PTPRS: variants seen among roughly 807,000 people sequenced by gnomAD.
PTPRS encodes receptor-type tyrosine-protein phosphatase S.
PTPRS carries 63 observed loss-of-function variants against 215.3 expected under a neutral mutation model. That is an observed-to-expected ratio of 0.29 (90% CI 0.24 to 0.36). The LOEUF is 0.36. Among genes scored for constraint, PTPRS ranks in the 10% least tolerant of loss-of-function variants. The probability of loss-of-function intolerance (pLI) is 1.00; values close to 1 mark genes in which losing one functional copy is unlikely to be tolerated. For synonymous variants in PTPRS, 1,404 were observed against 1,191.4 expected (o/e 1.18, Z -3.68); for missense variants, 2,258 against 2,825.8 (o/e 0.80, Z 4.56).
chr19:5,254,536 C>T (rs1166820668), intron 9 of PTPRS, among the ~76,000 whole-genome samples: 1 of 151,740 alleles, frequency 6.6e-6, no homozygotes, highest in African/African-American at 2.4e-5. Context: ...GAGAGACACA[C>T]AGAGAGAAAG....
chr19:5,217,045 G>A (rs2145211773), intron 25 of PTPRS, among the ~76,000 whole-genome samples: 1 of 152,326 alleles, frequency 6.6e-6, no homozygotes, highest in South Asian at 2.1e-4. Context: ...CCCTCCCCCA[G>A]ACCAGCCTGG....
chr19:5,229,278 C>G, intron 16 of PTPRS, 38 bp downstream of exon 16: 2 of 1,370,170 alleles, frequency 1.5e-6, no homozygotes, highest in Non-Finnish European at 9.5e-7. Flanking sequence ...CCGCGGGAAG[C>G]GCACAGCAGT....
At chr19:5,216,185 G>C (rs752831286) in intron 26 of PTPRS, among the ~76,000 whole-genome samples, 6 of 152,100 alleles carry the variant, frequency 3.9e-5, no homozygotes, top group Non-Finnish European at 7.4e-5. Context: ...CTTGGGGCAG[G>C]AGCAGGTGCA....
chr19:5,314,520 G>A (rs1313330897), intron 1 of PTPRS, among the ~76,000 whole-genome samples: 1 of 151,794 alleles, frequency 6.6e-6, no homozygotes, highest in African/African-American at 2.4e-5. Flanking sequence ...TTTGATGTGG[G>A]TTTCTCCACC....
intron 11 of PTPRS, among the ~76,000 whole-genome samples, chr19:5,240,945 A>G (rs1159983514): frequency 1.4e-5 from 2 of 143,054 alleles, no homozygotes; most frequent in Non-Finnish European, 3.0e-5. Flanking sequence ...GCTGGAGTGC[A>G]ATGGCACGAT....
chr19:5,300,240 CAAA>C (rs67349608), intron 1 of PTPRS, among the ~76,000 whole-genome samples: 2 of 113,474 alleles, frequency 1.8e-5, no homozygotes, highest in Admixed American at 8.9e-5. Context: ...GACTCCATCT[CAAA>C]AAAAAAAAAA....
rs2044279936 is a variant in PTPRS at position 5,244,148 on chromosome 19, G to T, written c.1323C>A (p.Thr441=). Residue 441 remains threonine (T), a synonymous_variant, in exon 11 of 38, where the codon ACC becomes ACA. Transcript: ENST00000262963. The surrounding 1 kb of genome is among the most constrained non-coding windows in gnomAD (Gnocchi z 7.2). ...GCTCCTCCCACTGCACAATCATGGTGGTCGCGCTGAGCATCCGGGCTTGCA... is the reference window on the plus strand; with the variant it reads ...GCTCCTCCCACTGCACAATCATGGTTGTCGCGCTGAGCATCCGGGCTTGCA... The part of the protein sequence containing the change: ...RNVQARMLSA[T]TMIVQWEEPV... The T allele has an allele frequency of 6.2e-7, 1 of 1,602,630 alleles. No homozygotes were observed. Among genetic ancestry groups the T allele is most frequent in the Non-Finnish European group, 8.5e-7 (1 of 1,174,830 alleles).
chr19:5,265,040 G>A lies in PTPRS; in HGVS notation c.536C>T (p.Ala179Val), dbSNP rs759377376. 1.9e-6 allele frequency: 3 copies of A among 1,614,120 alleles called. No homozygotes were observed. Among genetic ancestry groups the A allele is most frequent in the East Asian group, 2.2e-5 (1 of 44,878 alleles). ...FKDFLPVDPS[A>V]SNGRIKQLRS... ...CAGCTGTTTGATGCGTCCATTGCTG[G>A]CACTAGGATCCACAGGCAGGAAGTC... is the stretch of plus-strand genomic sequence containing the variant. The change falls in exon 5 of 38, where the codon GCC (alanine) becomes GTC (valine). Residue 179 changes from alanine (A) to valine (V), a missense_variant. Ala to Val is a moderately conservative substitution (Grantham distance 64, BLOSUM62 0). Coordinates refer to ENST00000262963, the MANE Select transcript of PTPRS (RefSeq NM_002850.4).
chr19:5,292,192 A>G (rs2048876409), intron 1 of PTPRS, among the ~76,000 whole-genome samples: 1 of 152,060 alleles, frequency 6.6e-6, no homozygotes, highest in Non-Finnish European at 1.5e-5. Flanking sequence ...CCCTGCATGC[A>G]CTGGATGCCT....
At chr19:5,258,692 C>CG (rs1163244049) in intron 7 of PTPRS, among the ~76,000 whole-genome samples, 1 of 152,152 alleles carries the variant, frequency 6.6e-6, no homozygotes, top group Non-Finnish European at 1.5e-5. Context: ...TAAATGGAGA[C>CG]GGGGTTGTAC....
intron 17 of PTPRS, among the ~76,000 whole-genome samples, chr19:5,225,139 C>T (rs950699762): frequency 7.2e-5 from 11 of 151,956 alleles, no homozygotes; most frequent in East Asian, 1.9e-4. Context: ...CCCTTGGGGA[C>T]GATGGAAGGG....
Position 5,220,994 on chromosome 19 carries a change from G to C in PTPRS, c.3455+6C>G, listed in dbSNP as rs2041933071. 9.4e-6 allele frequency: 15 copies of C among 1,601,128 alleles called. No homozygotes were observed. The highest frequency in any genetic ancestry group is 1.3e-5 in the African/African-American group (1 of 74,856). ...CAAGGAACCCGGAGCATGGGGGTGAGCATACTGGACAGGCACGGGGCTCTG... is the reference window on the plus strand; with the variant it reads ...CAAGGAACCCGGAGCATGGGGGTGACCATACTGGACAGGCACGGGGCTCTG... On this transcript the variant is annotated splice_donor_region_variant and intron_variant, in intron 20 of 37. Coordinates refer to ENST00000262963, the MANE Select transcript of PTPRS (RefSeq NM_002850.4).
At chr19:5,240,390 C>T (rs770981894) in intron 11 of PTPRS, 58 bp from the exon 12 acceptor site, 23 of 1,479,914 alleles carry the variant, frequency 1.6e-5, no homozygotes, top group Non-Finnish European at 2.1e-5. Flanking sequence ...ACAAAGGGGG[C>T]CCCACCTGCT....
At chr19:5,286,584 G>A (rs555011652) in intron 1 of PTPRS, among the ~76,000 whole-genome samples, 4 of 152,226 alleles carry the variant, frequency 2.6e-5, no homozygotes, top group South Asian at 4.1e-4. Flanking sequence ...TTTCTGCCAC[G>A]TGAGGACACA....
intron 1 of PTPRS, among the ~76,000 whole-genome samples, chr19:5,296,487 C>A (rs937450613): frequency 6.6e-5 from 10 of 151,938 alleles, no homozygotes; most frequent in African/African-American, 2.4e-4. Flanking sequence ...GGCGACAGAG[C>A]GAGACTCTAT....
At chr19:5,232,837 C>G (rs1290616397) in intron 13 of PTPRS, among the ~76,000 whole-genome samples, 1 of 152,068 alleles carries the variant, frequency 6.6e-6, no homozygotes, top group African/African-American at 2.4e-5. Context: ...TACTATGTGC[C>G]AGGCACCGTG....
intron 18 of PTPRS, 55 bp downstream of exon 18, chr19:5,222,634 G>C: frequency 1.4e-6 from 2 of 1,446,870 alleles, no homozygotes; most frequent in Non-Finnish European, 1.8e-6. Flanking sequence ...GGGCTGGGGT[G>C]GGGGTGGGCG....
At chr19:5,229,270 G>C in intron 16 of PTPRS, 46 bp downstream of exon 16, 2 of 1,364,996 alleles carry the variant, frequency 1.5e-6, no homozygotes, top group Non-Finnish European at 1.9e-6. Flanking sequence ...AGCACGGCCC[G>C]CGGGAAGCGC....
At chr19:5,264,983 C>T (rs1300525495) in intron 5 of PTPRS, 25 bp downstream of exon 5, 6 of 1,612,218 alleles carry the variant, frequency 3.7e-6, no homozygotes, top group Middle Eastern at 1.6e-4. Context: ...AAGGCTCCCA[C>T]GTCCTGTCAG....
Sources: allele counts gnomAD v4.1 joint callset (sites outside exome capture counted in the v4.1 genomes callset), GRCh38; gene constraint gnomAD v4.1.1; non-coding constraint Gnocchi (gnomAD v3.1); transcripts MANE v1.5; gene names NCBI Gene and HGNC (gene_info 2026-07-23, HGNC 2026-07-21).